The following USP7 variants were observed in gnomAD, a reference collection of about 807,000 sequenced individuals.
The protein encoded by USP7 is ubiquitin specific peptidase 7.
In USP7, 9 loss-of-function variants were observed where a neutral mutation model predicts 162.9. The observed-to-expected ratio is 0.06, with a 90% confidence interval of 0.03 to 0.10. The LOEUF is 0.10. USP7 is among the 10% of genes least tolerant of loss of function. USP7 has a pLI of 1.00. For synonymous variants in USP7, 562 were observed against 475.9 expected (o/e 1.18, Z -2.35); for missense variants, 715 against 1,373.7 (o/e 0.52, Z 7.58).
intron 1 of USP7, 112 bp from the exon 2 acceptor site, chr16:8,930,509 G>A: frequency 1.5e-6 from 1 of 676,510 alleles, no homozygotes; most frequent in Non-Finnish European, 2.3e-6. Flanking sequence ...AATTCCAATT[G>A]TACCACAATA....
chr16:8,894,476 C>T, intron 30 of USP7, 74 bp downstream of exon 30: 2 of 1,469,984 alleles, frequency 1.4e-6, no homozygotes, highest in Non-Finnish European at 1.8e-6. Context: ...CCTGGGGCTG[C>T]CCCTCCCAGC....
intron 18 of USP7, 89 bp from the exon 19 acceptor site, chr16:8,901,323 A>C (rs1336414233): frequency 8.5e-6 from 3 of 351,732 alleles, no homozygotes; most frequent in East Asian, 8.7e-5. Flanking sequence ...AAAAAACGAA[A>C]AAAAAAAAAC....
intron 6 of USP7, among the ~76,000 whole-genome samples, chr16:8,917,505 A>G (rs1410172617): frequency 6.6e-6 from 1 of 152,128 alleles, no homozygotes; most frequent in East Asian, 1.9e-4. Flanking sequence ...CAGCCTCCCG[A>G]GTAGCTGGAA....
intron 13 of USP7, among the ~76,000 whole-genome samples, chr16:8,905,848 A>G (rs1333385240): frequency 6.6e-6 from 1 of 152,246 alleles, no homozygotes; most frequent in Non-Finnish European, 1.5e-5. Flanking sequence ...GGATGCAGCC[A>G]CATTAAACAG....
chr16:8,930,447 T>A (rs201226219), intron 1 of USP7, 50 bp from the exon 2 acceptor site: 2 of 1,357,144 alleles, frequency 1.5e-6, no homozygotes, highest in Non-Finnish European at 1.0e-6. Context: ...ATGGCTTTAA[T>A]AGAATAAGCA....
At chr16:8,898,974 G>A (rs912842831) in intron 23 of USP7, 147 bp downstream of exon 23, 54 of 844,134 alleles carry the variant, frequency 6.4e-5, no homozygotes, top group Middle Eastern at 2.3e-4. Flanking sequence ...TGGTCAAGAT[G>A]TGAGTGGTGA....
intron 11 of USP7, 61 bp downstream of exon 11, chr16:8,910,684 A>C: frequency 6.8e-7 from 1 of 1,469,390 alleles, no homozygotes; most frequent in Non-Finnish European, 9.4e-7. Flanking sequence ...TTAGCAATTA[A>C]AAGAATTGAA....
intron 25 of USP7, among the ~76,000 whole-genome samples, chr16:8,897,894 G>C (rs1400957006): frequency 6.6e-6 from 1 of 150,818 alleles, no homozygotes; most frequent in African/African-American, 2.4e-5. Flanking sequence ...GCGAGACCCT[G>C]TCTCGAAAAA....
At chr16:8,957,222 T>C (rs1032411712) in intron 1 of USP7, among the ~76,000 whole-genome samples, 2 of 152,266 alleles carry the variant, frequency 1.3e-5, no homozygotes, top group African/African-American at 4.8e-5. Flanking sequence ...AAAAATGGCA[T>C]AACTGACTTT....
At chr16:8,924,667 T>C (rs1387155232) in intron 2 of USP7, among the ~76,000 whole-genome samples, 1 of 152,260 alleles carries the variant, frequency 6.6e-6, no homozygotes, top group Non-Finnish European at 1.5e-5. Flanking sequence ...CACTAACAAC[T>C]GAGTTCTCAG....
intron 1 of USP7, among the ~76,000 whole-genome samples, chr16:8,948,041 C>A (rs1466306664): frequency 2.0e-5 from 3 of 152,246 alleles, no homozygotes; most frequent in Non-Finnish European, 2.9e-5. Flanking sequence ...TCCCACCCAC[C>A]ACCTCTCGAA....
At position 8,910,790 on chromosome 16, in the gene USP7, C is replaced by T; in HGVS notation, c.1116G>A (p.Gln372=). ...CGTCGTATTTATTGTCCCCATCGAG[C>T]TGTTCTACTGCCACATAATCCACAA... The part of the protein sequence containing the change: ...ESFVDYVAVE[Q]LDGDNKYDAG... Residue 372 remains glutamine, a synonymous_variant, in exon 11 of 31, where the codon CAG becomes CAA. Coordinates refer to ENST00000344836, the MANE Select transcript of USP7 (RefSeq NM_003470.3). 6.2e-7 allele frequency: 1 copy of T among 1,614,110 alleles called. No individual in the cohort carries two copies. Among genetic ancestry groups the T allele is most frequent in the Non-Finnish European group, 8.5e-7 (1 of 1,180,036 alleles).
Position 8,902,179 on chromosome 16 carries a change from C to G in USP7, c.1950G>C (p.Glu650Asp). 6.2e-7 allele frequency: 1 copy of G among 1,614,046 alleles called. No homozygotes were observed. The highest frequency in any genetic ancestry group is 8.5e-7 in the Non-Finnish European group (1 of 1,179,992). ...NEADGNKTMI[E>D]LSDNENPWTI... is the part of the protein sequence containing the mutation. ...TCCAAGGGTTTTCATTATCACTGAG[C>G]TCAATCATCTATTTCCAAAAGAGAC... Residue 650 changes from glutamate to aspartate, a missense_variant, in exon 18 of 31, where the codon GAG becomes GAC. By Grantham distance (45) the Glu-to-Asp change is conservative. Around this residue, in one of 11 missense-constraint regions of USP7, gnomAD observed 197 missense variants for 306.5 expected, o/e 0.64. Transcript: ENST00000344836.
At chr16:8,945,354 A>T (rs530828355) in intron 1 of USP7, among the ~76,000 whole-genome samples, 2 of 152,352 alleles carry the variant, frequency 1.3e-5, no homozygotes, top group South Asian at 2.1e-4. Flanking sequence ...ACTGTACTCC[A>T]GCTTGGGCAA....
chr16:8,963,098 G>C (rs1900087258), intron 1 of USP7, 109 bp downstream of exon 1: 5 of 1,028,776 alleles, frequency 4.9e-6, no homozygotes, highest in Middle Eastern at 8.8e-4. Flanking sequence ...CCCGGCGGCC[G>C]CCCGGGGCCT....
At chr16:8,947,001 A>T (rs1596410004) in intron 1 of USP7, among the ~76,000 whole-genome samples, 1 of 152,344 alleles carries the variant, frequency 6.6e-6, no homozygotes, top group African/African-American at 2.4e-5. Context: ...GGGGTGAATT[A>T]ACCTTCATTA....
chr16:8,956,054 T>G (rs1254512505), intron 1 of USP7, among the ~76,000 whole-genome samples: 1 of 152,140 alleles, frequency 6.6e-6, no homozygotes, highest in Non-Finnish European at 1.5e-5. Context: ...CAGCACACTT[T>G]CCAAACCAGA....
chr16:8,953,011 A>G (rs1031861765), intron 1 of USP7, among the ~76,000 whole-genome samples: 3 of 151,916 alleles, frequency 2.0e-5, no homozygotes, highest in African/African-American at 2.4e-5. Flanking sequence ...TATTTTTTGT[A>G]TTTTTAGTAG....
chr16:8,949,348 T>C (rs1240615213), intron 1 of USP7, among the ~76,000 whole-genome samples: 3 of 152,236 alleles, frequency 2.0e-5, no homozygotes. Context: ...CAATTGATTG[T>C]TGGGTACTAT....
Sources: allele counts gnomAD v4.1 joint callset (sites outside exome capture counted in the v4.1 genomes callset), GRCh38; gene constraint gnomAD v4.1.1; regional missense constraint gnomAD v4.1.1; transcripts MANE v1.5; gene names NCBI Gene and HGNC (gene_info 2026-07-23, HGNC 2026-07-21).